CFAP54: variants seen among roughly 807,000 people sequenced by gnomAD.
CFAP54 encodes cilia- and flagella-associated protein 54.
CFAP54 carries 290 observed loss-of-function variants against 370.4 expected under a neutral mutation model. That is an observed-to-expected ratio of 0.78 (90% CI 0.71 to 0.86). The LOEUF (loss-of-function observed/expected upper bound fraction) is 0.86, where lower values mean the gene tolerates loss of function less well. Ranked by LOEUF, CFAP54 falls within the 40% of genes least tolerant of loss-of-function variation. CFAP54 has a pLI of 0.00. For synonymous variants in CFAP54, 1,206 were observed against 1,236.5 expected (o/e 0.98, Z 0.52); for missense variants, 3,399 against 3,528.7 (o/e 0.96, Z 0.93).
intron 33 of CFAP54, chr12:96,646,167 C>G (rs1187409897): frequency 6.6e-6 from 1 of 152,078 alleles, no homozygotes; most frequent in Non-Finnish European, 1.5e-5. Context: ...AACAGGCAAC[C>G]TACAGAATGG....
intron 66 of CFAP54, among the ~76,000 whole-genome samples, chr12:96,858,541 T>A (rs1380405083): frequency 6.6e-6 from 1 of 152,234 alleles, no homozygotes; most frequent in African/African-American, 2.4e-5. Flanking sequence ...TTGTTTTTAG[T>A]GTCTTTGTCA....
At chr12:96,828,073 T>C (rs1959147886) in intron 65 of CFAP54, among the ~76,000 whole-genome samples, 1 of 128,952 alleles carries the variant, frequency 7.8e-6, no homozygotes, top group Non-Finnish European at 1.6e-5. Context: ...AATATATAAT[T>C]ATATATTATA....
Position 96,817,911 on chromosome 12 carries a change from G to A in CFAP54, c.9094G>A (p.Glu3032Lys), listed in dbSNP as rs561280650. The A allele has an allele frequency of 1.2e-4, 176 of 1,460,498 alleles. 1 individual carries two copies. In the South Asian group the frequency reaches 1.4e-3, roughly 12 times the overall value. The allele number at this position is 1,460,498 out of a possible 1,614,324, so 90.5% of individuals were successfully genotyped here. A position where few individuals can be genotyped will look rare whatever the true frequency, so the allele number is the denominator to read the frequency against. Residue 3032 changes from glutamate (E) to lysine (K), a missense_variant and splice_region_variant, in exon 65 of 68, where the codon GAA (glutamate) becomes AAA (lysine). Physicochemically the swap from Glu to Lys is moderately conservative, Grantham distance 56. Transcript: ENST00000524981. ...VEEESVDNEM[E>K]DMIIQCCSEI... ...AGAGGAATCAGTTGATAATGAAATG[G>A]AAGTAAGTTGTTAAATAATGGAAAA... is the stretch of plus-strand genomic sequence containing the variant.
rs17323927 is a variant in CFAP54 at position 96,580,589 on chromosome 12, G to A, written c.2797-8G>A. On this transcript the variant is annotated splice_region_variant and splice_polypyrimidine_tract_variant and intron_variant, in intron 20 of 67. Coordinates refer to ENST00000524981, the MANE Select transcript of CFAP54 (RefSeq NM_001306084.2). ...CCTTTTAAACAGGCTCATTTTTCTC[G>A]TCGGCAGGTCTCCTGGTACTGCATT... 0.12 allele frequency: 172,397 copies of A among 1,468,288 alleles called. 11,006 individuals carry two copies. Among genetic ancestry groups the A allele is most frequent in the Non-Finnish European group, 0.13 (147,144 of 1,110,908 alleles). The allele number at this position is 1,468,288 out of a possible 1,614,324, so 91.0% of individuals were successfully genotyped here. A position where few individuals can be genotyped will look rare whatever the true frequency, so the allele number is the denominator to read the frequency against.
At chr12:96,839,886 G>A (rs1432788282) in intron 66 of CFAP54, among the ~76,000 whole-genome samples, 3 of 152,182 alleles carry the variant, frequency 2.0e-5, no homozygotes, top group African/African-American at 7.2e-5. Context: ...CTCTGTGGCT[G>A]GTTGGGCCTC....
In CFAP54 at chr12:96,507,042, A is replaced by C; in HGVS notation, c.682A>C (p.Arg228=). 6.5e-7 allele frequency: 1 copy of C among 1,535,544 alleles called. No individual in the cohort carries two copies. ...GTGTCTGCATATCTTGTCCTCCTTA[A>C]GGCTCATCATGCAAGTGGCTCTGCC... ...VQCLHILSSL[R]LIMQVALPQE... Residue 228 remains arginine, a synonymous_variant, in exon 4 of 68, where the codon AGG becomes CGG. Transcript: ENST00000524981.
At chr12:96,505,850 G>A (rs1291084593) in intron 3 of CFAP54, among the ~76,000 whole-genome samples, 1 of 151,726 alleles carries the variant, frequency 6.6e-6, no homozygotes, top group Non-Finnish European at 1.5e-5. Context: ...CATGAGCCTG[G>A]TGCATGAGCC....
intron 48 of CFAP54, among the ~76,000 whole-genome samples, chr12:96,713,572 AAAAAAT>A (rs1410590098): frequency 1.4e-4 from 21 of 152,310 alleles, no homozygotes; most frequent in African/African-American, 5.1e-4. Context: ...AAATAAACAC[AAAAAAT>A]ACTCTCTGAA....
intron 50 of CFAP54, among the ~76,000 whole-genome samples, chr12:96,727,607 T>G (rs1334646585): frequency 3.3e-5 from 5 of 151,710 alleles, no homozygotes; most frequent in Non-Finnish European, 5.9e-5. Flanking sequence ...TACAGCACAC[T>G]GATGGGTCTT....
rs141970557 is a variant in CFAP54, at chr12:96,511,498, A to T, written c.740-1488A>T. 4.4e-3 allele frequency among the ~76,000 whole-genome samples: 669 copies of T among 152,192 alleles called. 6 individuals carry two copies. The highest frequency in any genetic ancestry group is 0.015 in the African/African-American group (623 of 41,520). On this transcript the variant is annotated intron_variant, in intron 4 of 67. Transcript: ENST00000524981. The stretch of plus-strand genomic sequence containing the variant: ...CACGCCCAGCTACTTTTGTGTTTTT[A>T]GTAGAGATGGGGTTTCTCCACGTTG...
intron 9 of CFAP54, among the ~76,000 whole-genome samples, chr12:96,532,457 A>C (rs532895950): frequency 2.6e-5 from 4 of 152,292 alleles, no homozygotes; most frequent in Admixed American, 2.6e-4. Context: ...GAAAAATACA[A>C]GTTTTAGATA....
At chr12:96,556,018 G>T (rs1017437194) in intron 17 of CFAP54, among the ~76,000 whole-genome samples, 1 of 151,822 alleles carries the variant, frequency 6.6e-6, no homozygotes, top group Non-Finnish European at 1.5e-5. Context: ...CAAAGTGCTA[G>T]AATACCTCAT....
At chr12:96,740,948 C>T (rs1242176392) in intron 51 of CFAP54, among the ~76,000 whole-genome samples, 3 of 152,156 alleles carry the variant, frequency 2.0e-5, no homozygotes, top group African/African-American at 7.2e-5. Flanking sequence ...TTATCTGGCC[C>T]TAAATAGGTC....
At chr12:96,719,882 G>A (rs77871706) in intron 49 of CFAP54, among the ~76,000 whole-genome samples, 2,204 of 152,336 alleles carry the variant, frequency 0.014, 65 homozygotes, top group East Asian at 0.1. Flanking sequence ...TTATGGAGAA[G>A]CTATGTGTGT....
intron 1 of CFAP54, among the ~76,000 whole-genome samples, chr12:96,492,970 G>GCACTCT (rs1954902554): frequency 6.6e-6 from 1 of 150,858 alleles, no homozygotes. Flanking sequence ...ACTCCACCCT[G>GCACTCT]GATGACAGAA....
At chr12:96,758,342 A>G (rs1366040308) in intron 58 of CFAP54, among the ~76,000 whole-genome samples, 4 of 152,210 alleles carry the variant, frequency 2.6e-5, no homozygotes, top group Non-Finnish European at 5.9e-5. Context: ...GGGAGGCCTC[A>G]CAATCATGGT....
Position 96,786,873 on chromosome 12 carries a change from AAGACTTACGTGAATC to A in CFAP54, c.8656_8670del (p.Asp2886_Ser2890del), listed in dbSNP as rs772679550. The A allele has an allele frequency of 6.5e-7, 1 of 1,534,326 alleles. No homozygotes were observed. Among genetic ancestry groups the A allele is most frequent in the South Asian group, 1.2e-5 (1 of 83,738 alleles). On this transcript the variant is annotated inframe_deletion, in exon 62 of 68. Coordinates refer to ENST00000524981, the MANE Select transcript of CFAP54 (RefSeq NM_001306084.2). ...CTGGAAAATCCCCCTCTTTCAGAAA[AAGACTTACGTGAATC>A]ATCTGCCAAGGTAACGTTTTTTGAA...
chr12:96,870,625 G>A (rs1364466751), intron 67 of CFAP54, among the ~76,000 whole-genome samples: 1 of 152,100 alleles, frequency 6.6e-6, no homozygotes, highest in Non-Finnish European at 1.5e-5. Context: ...ATACATCTTC[G>A]GGGGAAGTTC....
chr12:96,861,714 T>C (rs1391686263), intron 67 of CFAP54, among the ~76,000 whole-genome samples: 2 of 152,240 alleles, frequency 1.3e-5, no homozygotes, highest in African/African-American at 4.8e-5. Flanking sequence ...TGTTGGTATC[T>C]ATCTCATAGG....
Sources: allele counts gnomAD v4.1 joint callset (sites outside exome capture counted in the v4.1 genomes callset), GRCh38; gene constraint gnomAD v4.1.1; transcripts MANE v1.5; gene names NCBI Gene and HGNC (gene_info 2026-07-23, HGNC 2026-07-21).